Variants in SEMA6D observed in about 807,000 individuals in gnomAD.
The protein encoded by SEMA6D is semaphorin-6D.
A neutral mutation model predicts 106.6 loss-of-function variants in SEMA6D; 35 were observed. That is an observed-to-expected ratio of 0.33 (90% CI 0.25 to 0.44). The LOEUF (loss-of-function observed/expected upper bound fraction) is 0.44, where lower values mean the gene tolerates loss of function less well. Among genes scored for constraint, SEMA6D ranks in the 20% least tolerant of loss-of-function variants. SEMA6D has a pLI of 1.00. For missense variants in SEMA6D, 1,185 were observed against 1,345.9 expected (o/e 0.88, Z 1.87); for synonymous variants, 499 against 487.7 (o/e 1.02, Z -0.31).
intron 1 of SEMA6D, among the ~76,000 whole-genome samples, chr15:47,207,210 G>C (rs1049292679): frequency 2.6e-5 from 4 of 152,098 alleles, no homozygotes; most frequent in African/African-American, 9.7e-5. Flanking sequence ...AATGAACATT[G>C]ATTATATTTA....
At chr15:47,234,786 G>A (rs911759714) in intron 1 of SEMA6D, among the ~76,000 whole-genome samples, 8 of 152,046 alleles carry the variant, frequency 5.3e-5, no homozygotes, top group Non-Finnish European at 1.0e-4. Flanking sequence ...CTTTGCAATT[G>A]TGAATTGTGC....
intron 6 of SEMA6D, 83 bp from the exon 7 acceptor site, chr15:47,761,578 A>C (rs566542777): frequency 7.7e-7 from 1 of 1,291,842 alleles, no homozygotes; most frequent in East Asian, 2.3e-5. Context: ...TTCAAATGGA[A>C]TTTTAATACA....
intron 3 of SEMA6D, among the ~76,000 whole-genome samples, chr15:47,575,604 A>G (rs1327757613): frequency 2.0e-5 from 3 of 152,178 alleles, no homozygotes. Context: ...CTGCAGTCCC[A>G]TCTACCCGGG....
At chr15:47,437,523 T>C (rs9302133) in intron 2 of SEMA6D, among the ~76,000 whole-genome samples, 2,181 of 152,220 alleles carry the variant, frequency 0.014, 61 homozygotes, top group African/African-American at 0.051. Flanking sequence ...ATCCTTTTCC[T>C]TCATCCCAAA....
chr15:47,486,988 TCTCTGTTTATACTGTCGTCTTTGCC>T (rs2043314270), intron 3 of SEMA6D, among the ~76,000 whole-genome samples: 2 of 152,370 alleles, frequency 1.3e-5, no homozygotes, highest in Admixed American at 1.3e-4. Context: ...ACAGGCATAG[TCTCTGTTTATACTGTCGTCTTTGCC>T]CTCAAGTCTA....
intron 2 of SEMA6D, among the ~76,000 whole-genome samples, chr15:47,435,098 A>C (rs533428747): frequency 6.6e-6 from 1 of 152,252 alleles, no homozygotes; most frequent in Admixed American, 6.5e-5. Flanking sequence ...TTCGAATTTC[A>C]GTTTCTTTTT....
At chr15:47,523,353 T>C (rs1033195556) in intron 3 of SEMA6D, among the ~76,000 whole-genome samples, 3 of 152,092 alleles carry the variant, frequency 2.0e-5, no homozygotes, top group Non-Finnish European at 4.4e-5. Context: ...TTCTGGCTTC[T>C]TCACCAGGGG....
intron 1 of SEMA6D, among the ~76,000 whole-genome samples, chr15:47,332,184 A>G (rs529856540): frequency 6.6e-6 from 1 of 152,320 alleles, no homozygotes; most frequent in Non-Finnish European, 1.5e-5. Flanking sequence ...AACTAATAGC[A>G]CTACAGCATG....
intron 1 of SEMA6D, among the ~76,000 whole-genome samples, chr15:47,294,694 A>T (rs939002880): frequency 1.3e-5 from 2 of 152,166 alleles, no homozygotes; most frequent in South Asian, 4.1e-4. Context: ...CACTCTTGAT[A>T]GCATGCCTCT....
chr15:47,712,361 C>T (rs2079037795), intron 4 of SEMA6D, among the ~76,000 whole-genome samples: 1 of 152,066 alleles, frequency 6.6e-6, no homozygotes, highest in South Asian at 2.1e-4. Context: ...GATTGAGGGG[C>T]AAACAAACCG....
At chr15:47,299,290 C>T (rs2035927743) in intron 1 of SEMA6D, among the ~76,000 whole-genome samples, 1 of 152,180 alleles carries the variant, frequency 6.6e-6, no homozygotes, top group Non-Finnish European at 1.5e-5. Flanking sequence ...CAGTTTGGGA[C>T]AAAACTCAGT....
chr15:47,486,685 G>A (rs2043306408), intron 3 of SEMA6D, among the ~76,000 whole-genome samples: 1 of 152,232 alleles, frequency 6.6e-6, no homozygotes, highest in Non-Finnish European at 1.5e-5. Context: ...ATATGTTAAT[G>A]AATTGTTGAC....
At chr15:47,235,898 A>G (rs2032509392) in intron 1 of SEMA6D, among the ~76,000 whole-genome samples, 1 of 152,086 alleles carries the variant, frequency 6.6e-6, no homozygotes, top group South Asian at 2.1e-4. Flanking sequence ...CTTCCAGGGA[A>G]TCATTACTAC....
rs912254717 is a variant in SEMA6D, at chr15:47,730,438, G to A, written c.-55+12746G>A. On this transcript the variant is annotated intron_variant, in intron 1 of 18. Transcript: ENST00000536845. ...TTTTACGACACAGGGCAGGCAAGAA[G>A]ACAACCAGCTCGATGGGATCCACGT... 2.1e-6 allele frequency: 3 copies of A among 1,414,212 alleles called. No homozygotes were observed. The East Asian group carries it at 6.9e-5, about 33-fold the overall frequency. 87.6% of individuals were successfully genotyped at this position (1,414,212 alleles called of 1,614,324 possible).
chr15:47,752,093 G>A (rs558684364), intron 1 of SEMA6D, among the ~76,000 whole-genome samples: 1 of 152,280 alleles, frequency 6.6e-6, no homozygotes, highest in East Asian at 1.9e-4. Flanking sequence ...AAACCTTGAA[G>A]GCCACATTTA....
intron 4 of SEMA6D, among the ~76,000 whole-genome samples, chr15:47,618,159 G>A (rs914329358): frequency 1.3e-5 from 2 of 152,140 alleles, no homozygotes; most frequent in African/African-American, 4.8e-5. Context: ...TACTTAATTG[G>A]CACTCTTTCA....
chr15:47,226,464 A>G (rs1877511091), intron 1 of SEMA6D, among the ~76,000 whole-genome samples: 1 of 152,120 alleles, frequency 6.6e-6, no homozygotes, highest in Admixed American at 6.6e-5. Flanking sequence ...AGTAGTGACA[A>G]TAGATGCCAG....
At chr15:47,710,573 G>A (rs745687147) in intron 4 of SEMA6D, among the ~76,000 whole-genome samples, 1 of 152,090 alleles carries the variant, frequency 6.6e-6, no homozygotes, top group Non-Finnish European at 1.5e-5. Context: ...ACTCTTGGAG[G>A]AAAAATACAC....
chr15:47,682,102 C>T (rs896021026), intron 4 of SEMA6D, among the ~76,000 whole-genome samples: 4 of 151,756 alleles, frequency 2.6e-5, no homozygotes, highest in Admixed American at 6.6e-5. Flanking sequence ...ATATTTAGCC[C>T]GAGATCTTTT....
Sources: allele counts gnomAD v4.1 joint callset (sites outside exome capture counted in the v4.1 genomes callset), GRCh38; gene constraint gnomAD v4.1.1; transcripts MANE v1.5; gene names NCBI Gene and HGNC (gene_info 2026-07-23, HGNC 2026-07-21).